Variants in SORCS2 observed in about 807,000 individuals in gnomAD.
SORCS2 encodes VPS10 domain-containing receptor SorCS2.
Under a neutral mutation model 141.6 loss-of-function variants are expected in SORCS2, and 100 were observed. The ratio of observed to expected loss-of-function variants is 0.71; its 90% confidence interval spans 0.60 to 0.83. The LOEUF is 0.83. SORCS2 is among the 40% of genes least tolerant of loss of function. The pLI is 0.00. For missense variants in SORCS2, 1,646 were observed against 1,560.2 expected, an observed-to-expected ratio of 1.05 and a Z score of -0.93; for synonymous variants, 789 against 676.9, an observed-to-expected ratio of 1.17 and a Z score of -2.57.
chr4:7,388,566 C>G (rs561165241), intron 1 of SORCS2, among the ~76,000 whole-genome samples: 3 of 152,296 alleles, frequency 2.0e-5, no homozygotes, highest in African/African-American at 7.2e-5. Flanking sequence ...TCCCCACCCA[C>G]AGGTGTCCAC....
intron 3 of SORCS2, among the ~76,000 whole-genome samples, chr4:7,578,998 C>T (rs556254641): frequency 6.6e-6 from 1 of 152,290 alleles, no homozygotes; most frequent in African/African-American, 2.4e-5. Flanking sequence ...CAAGTCTGTG[C>T]ATCTCACAGA....
intron 1 of SORCS2, among the ~76,000 whole-genome samples, chr4:7,318,405 C>T (rs1044451821): frequency 1.1e-4 from 17 of 152,176 alleles, no homozygotes; most frequent in Non-Finnish European, 1.6e-4. Flanking sequence ...GGAACCCCAT[C>T]CTGCCCTCAG....
intron 2 of SORCS2, among the ~76,000 whole-genome samples, chr4:7,517,043 A>G (rs1733031551): frequency 6.6e-6 from 1 of 152,156 alleles, no homozygotes; most frequent in African/African-American, 2.4e-5. Context: ...CAGCATACCC[A>G]GCGCTTGGAA....
At chr4:7,319,295 T>G (rs1210863215) in intron 1 of SORCS2, among the ~76,000 whole-genome samples, 1 of 152,140 alleles carries the variant, frequency 6.6e-6, no homozygotes, top group Non-Finnish European at 1.5e-5. Flanking sequence ...AGGCTCTGAG[T>G]GTGGCAAGTT....
intron 1 of SORCS2, among the ~76,000 whole-genome samples, chr4:7,256,772 G>C (rs1288685009): frequency 1.3e-5 from 2 of 148,800 alleles, no homozygotes; most frequent in African/African-American, 5.0e-5. Flanking sequence ...GAAAGGGGGC[G>C]TCCAGCATGA....
At chr4:7,342,509 G>A (rs1720422806) in intron 1 of SORCS2, among the ~76,000 whole-genome samples, 1 of 152,156 alleles carries the variant, frequency 6.6e-6, no homozygotes, top group African/African-American at 2.4e-5. Flanking sequence ...TTCAGGGCTG[G>A]AGGGGCCTCT....
chr4:7,323,191 T>C (rs1354761052), intron 1 of SORCS2, among the ~76,000 whole-genome samples: 1 of 152,120 alleles, frequency 6.6e-6, no homozygotes, highest in African/African-American at 2.4e-5. Flanking sequence ...TAACAAATAG[T>C]TGAGGGAATT....
chr4:7,525,393 A>G (rs1365788066), intron 2 of SORCS2, among the ~76,000 whole-genome samples: 2 of 152,016 alleles, frequency 1.3e-5, no homozygotes, highest in South Asian at 2.1e-4. Context: ...AAGAAAACTA[A>G]TGTTAAAATC....
intron 2 of SORCS2, among the ~76,000 whole-genome samples, chr4:7,527,864 G>A (rs1015543541): frequency 1.3e-5 from 2 of 152,176 alleles, no homozygotes; most frequent in Non-Finnish European, 2.9e-5. Context: ...CAGCTGGTCA[G>A]TGCTGGATTA....
chr4:7,505,532 G>A (rs536003374), intron 2 of SORCS2, among the ~76,000 whole-genome samples: 5 of 152,310 alleles, frequency 3.3e-5, no homozygotes, highest in African/African-American at 1.2e-4. Context: ...GGGTGGCATT[G>A]GAGCCCTCTC....
intron 1 of SORCS2, among the ~76,000 whole-genome samples, chr4:7,370,469 A>C (rs891415064): frequency 1.3e-5 from 2 of 152,370 alleles, no homozygotes; most frequent in South Asian, 4.1e-4. Flanking sequence ...CTTCATAATT[A>C]GTTGCAGCAA....
At chr4:7,674,387 C>T (rs1341722069) in intron 8 of SORCS2, among the ~76,000 whole-genome samples, 4 of 151,932 alleles carry the variant, frequency 2.6e-5, no homozygotes, top group Non-Finnish European at 5.9e-5. Context: ...TCCTGGCTAA[C>T]ACAGTGAAAC....
intron 17 of SORCS2, 105 bp from the exon 18 acceptor site, chr4:7,717,907 G>T: frequency 7.8e-7 from 1 of 1,287,596 alleles, no homozygotes; most frequent in Non-Finnish European, 1.0e-6. Flanking sequence ...GGGGTGGGAA[G>T]CCAAGTGCCA....
At chr4:7,687,673 C>A (rs1299584199) in intron 10 of SORCS2, among the ~76,000 whole-genome samples, 3 of 152,136 alleles carry the variant, frequency 2.0e-5, no homozygotes, top group African/African-American at 4.8e-5. Context: ...CACAGGGCCA[C>A]CTTTCAGCTG....
intron 2 of SORCS2, among the ~76,000 whole-genome samples, chr4:7,455,467 G>T (rs369983865): frequency 1.4e-5 from 2 of 140,788 alleles, no homozygotes; most frequent in South Asian, 2.5e-4. Flanking sequence ...TTGGGGTCAG[G>T]TGCTGTATTG....
rs147335213 is a variant in SORCS2, at chr4:7,599,928, A to G, written c.649-38400A>G. ...AGCCTCCGCCTCCCAAGTTCAAGCA[A>G]TTCTCACGCCTCAGCCTCCCAAGGA... On this transcript the variant is annotated intron_variant, in intron 3 of 26. Transcript: ENST00000507866. Among the ~76,000 whole-genome samples the G allele has an allele frequency of 1.0e-3, 157 of 151,778 alleles. 1 individual carries two copies. The highest frequency in any genetic ancestry group is 3.8e-3 in the African/African-American group (156 of 41,350).
chr4:7,568,730 C>T (rs1234914133), intron 3 of SORCS2, among the ~76,000 whole-genome samples: 3 of 152,224 alleles, frequency 2.0e-5, no homozygotes, highest in African/African-American at 7.2e-5. Flanking sequence ...TGTGAGTTGA[C>T]TATGGCTAGG....
intron 1 of SORCS2, among the ~76,000 whole-genome samples, chr4:7,272,210 G>A (rs1482299441): frequency 6.6e-6 from 1 of 152,222 alleles, no homozygotes; most frequent in Non-Finnish European, 1.5e-5. Context: ...GCTGCGGCAA[G>A]TTTCTCCAGG....
At chr4:7,453,005 G>C (rs1728579271) in intron 2 of SORCS2, among the ~76,000 whole-genome samples, 1 of 111,778 alleles carries the variant, frequency 8.9e-6, no homozygotes, top group African/African-American at 3.0e-5. Flanking sequence ...TTGGGGTCAG[G>C]CGCCGTGTTG....
Sources: allele counts gnomAD v4.1 joint callset (sites outside exome capture counted in the v4.1 genomes callset), GRCh38; gene constraint gnomAD v4.1.1; transcripts MANE v1.5; gene names NCBI Gene and HGNC (gene_info 2026-07-23, HGNC 2026-07-21).